CMC4: variants seen among roughly 807,000 people sequenced by gnomAD.
CMC4 encodes cx9C motif-containing protein 4.
Under a neutral mutation model 5.1 loss-of-function variants are expected in CMC4, and 4 were observed. The observed-to-expected ratio is 0.78, with a 90% CI of 0.38 to 1.78. The LOEUF (loss-of-function observed/expected upper bound fraction) is 1.78, where lower values mean the gene tolerates loss of function less well. CMC4 is among the 40% of genes most tolerant of loss of function. The pLI is 0.04. For missense variants in CMC4, 52 were observed against 51.3 expected, an observed-to-expected ratio of 1.01 and a Z score of -0.04; for synonymous variants, 23 against 18.9, an observed-to-expected ratio of 1.22 and a Z score of -0.57.
At chrX:155,069,130 T>C (rs2073959779) in intron 1 of CMC4, among the ~76,000 whole-genome samples, 2 of 113,110 alleles carry the variant, frequency 1.8e-5, no homozygotes, top group Non-Finnish European at 3.7e-5. Context: ...CCTTAGGTAG[T>C]AATCTAAGTA....
chrX:155,062,092 T>G (rs1044356494), intron 2 of CMC4, 101 bp from the exon 3 acceptor site: 4 of 809,666 alleles, frequency 4.9e-6, no homozygotes, highest in Non-Finnish European at 6.7e-6. Flanking sequence ...TCAGTACCTA[T>G]GGAACTGGAA....
chrX:155,064,050 G>C lies in CMC4; in HGVS notation c.-10-17C>G, dbSNP rs1481266326. 1 of 1,164,644 alleles carries C rather than the reference G, an allele frequency of 8.6e-7. No homozygotes were observed. Among genetic ancestry groups the C allele is most frequent in the Admixed American group, 2.8e-5 (1 of 35,430 alleles). On this transcript the variant is annotated splice_polypyrimidine_tract_variant and intron_variant, in intron 1 of 2. Coordinates refer to ENST00000369484, the MANE Select transcript of CMC4 (RefSeq NM_001018024.3). Reference sequence around the variant, plus strand: ...TCCAGAAAACTAAAACAAGAAAAATGATTTTTATTTTTCTTTTTTCCATAA... The same window carrying C: ...TCCAGAAAACTAAAACAAGAAAAATCATTTTTATTTTTCTTTTTTCCATAA...
At chrX:155,068,893 T>C (rs1367096167) in intron 1 of CMC4, among the ~76,000 whole-genome samples, 1 of 112,515 alleles carries the variant, frequency 8.9e-6, no homozygotes, top group African/African-American at 3.2e-5. Context: ...ACATGGAATA[T>C]AAACTTGTGC....
intron 2 of CMC4, among the ~76,000 whole-genome samples, chrX:155,062,967 C>T (rs1291071249): frequency 3.6e-5 from 4 of 111,664 alleles, no homozygotes; most frequent in African/African-American, 9.8e-5. Flanking sequence ...CTTAATCCTC[C>T]CACACTGCCA....
At chrX:155,062,669 A>G (rs1223259233) in intron 2 of CMC4, among the ~76,000 whole-genome samples, 1 of 111,908 alleles carries the variant, frequency 8.9e-6, no homozygotes. Flanking sequence ...AATGGAGTAC[A>G]TGGTAGTTAG....
chrX:155,065,188 CT>C, intron 1 of CMC4: 1 of 337,371 alleles, frequency 3.0e-6, no homozygotes, highest in Non-Finnish European at 5.2e-6. Flanking sequence ...TGACTAAGTG[CT>C]TTTGTTGACT....
At chrX:155,062,224 A>G (rs1298400685) in intron 2 of CMC4, among the ~76,000 whole-genome samples, 1 of 112,542 alleles carries the variant, frequency 8.9e-6, no homozygotes, top group African/African-American at 3.2e-5. Flanking sequence ...ATTTCCTTTA[A>G]GGTTAATAGC....
intron 1 of CMC4, chrX:155,064,521 CTTTT>C (rs201681750): frequency 9.3e-6 from 1 of 107,656 alleles, no homozygotes; most frequent in East Asian, 2.9e-4. Flanking sequence ...ATTCCCAAGA[CTTTT>C]TTTTTTAAAG....
intron 2 of CMC4, 110 bp downstream of exon 2, chrX:155,063,856 C>T: frequency 1.7e-6 from 1 of 577,561 alleles, no homozygotes; most frequent in Non-Finnish European, 2.8e-6. Flanking sequence ...AGGATAATTA[C>T]ATATACGTTA....
chrX:155,061,672 A>G lies in CMC4; in HGVS notation c.*171T>C, dbSNP rs1602747526. 4 of 512,137 alleles carry G rather than the reference A, an allele frequency of 7.8e-6. No individual in the cohort carries two copies. The highest frequency in any genetic ancestry group is 1.2e-5 in the Non-Finnish European group (4 of 327,042). The allele number at this position is 512,137 out of a possible 1,213,427, so 42.2% of individuals were successfully genotyped here. The stretch of plus-strand genomic sequence containing the variant: ...AGCAGCTCAGTATATTACATTCTAC[A>G]TATTTGTCTTTTAATGTGTTTATAT... On this transcript the variant is annotated 3_prime_UTR_variant, in exon 3 of 3. Transcript: ENST00000369484.
chrX:155,061,944 G>C lies in CMC4; in HGVS notation c.106C>G (p.Arg36Gly), dbSNP rs782008762. The C allele has an allele frequency of 8.3e-7, 1 of 1,209,089 alleles. No homozygotes were observed. The highest frequency in any genetic ancestry group is 1.7e-5 in the African/African-American group (1 of 57,161). ...SKCQAVIQEL[R>G]KCCAQYPKGR... ...TTGGGATACTGAGCACAACACTTAC[G>C]CAGTTCTTGGATGACAGCCTGACAC... Residue 36 changes from arginine to glycine, a missense_variant, in exon 3 of 3, where the codon CGT (arginine) becomes GGT (glycine). Arg to Gly is a moderately radical substitution (Grantham distance 125). Coordinates refer to ENST00000369484, the MANE Select transcript of CMC4 (RefSeq NM_001018024.3).
chrX:155,064,139 G>A (rs1557291842), intron 1 of CMC4, 106 bp from the exon 2 acceptor site: 1 of 458,607 alleles, frequency 2.2e-6, no homozygotes, highest in African/African-American at 2.5e-5. Flanking sequence ...CCTTACAATT[G>A]CTGGAAAATA....
chrX:155,066,391 T>C (rs1481357401), intron 1 of CMC4, among the ~76,000 whole-genome samples: 1 of 112,093 alleles, frequency 8.9e-6, no homozygotes, highest in African/African-American at 3.2e-5. Flanking sequence ...AAAATGTAGT[T>C]AGCAATAGAA....
chrX:155,069,032 A>T (rs1428668235), intron 1 of CMC4, among the ~76,000 whole-genome samples: 1 of 112,604 alleles, frequency 8.9e-6, no homozygotes, highest in Non-Finnish European at 1.9e-5. Flanking sequence ...TCGGGGCCAG[A>T]GAGCACACTG....
At chrX:155,066,099 T>C in intron 1 of CMC4, 1 of 712,846 alleles carries the variant, frequency 1.4e-6, no homozygotes, top group Non-Finnish European at 2.1e-6. Flanking sequence ...ACTTTTTGGG[T>C]TTGAATGAAC....
intron 1 of CMC4, chrX:155,065,848 T>C: frequency 8.3e-7 from 1 of 1,197,676 alleles, no homozygotes; most frequent in Non-Finnish European, 1.1e-6. Flanking sequence ...GAGACTGGAA[T>C]AGAAACCAAG....
chrX:155,061,649 C>A lies in CMC4; in HGVS notation c.*194G>T. 2.5e-6 allele frequency: 1 copy of A among 400,507 alleles called. No individual in the cohort carries two copies. Among genetic ancestry groups the A allele is most frequent in the Non-Finnish European group, 4.0e-6 (1 of 251,190 alleles). The allele number at this position is 400,507 out of a possible 1,213,427, so 33.0% of individuals were successfully genotyped here. The stretch of plus-strand genomic sequence containing the variant: ...TTTCTCTTAAACAGGTTTATTTTAG[C>A]AGCTCAGTATATTACATTCTACATA... On this transcript the variant is annotated 3_prime_UTR_variant, in exon 3 of 3. Coordinates refer to ENST00000369484, the MANE Select transcript of CMC4 (RefSeq NM_001018024.3).
intron 2 of CMC4, 66 bp downstream of exon 2, chrX:155,063,900 A>G: frequency 7.1e-6 from 6 of 840,748 alleles, no homozygotes; most frequent in Non-Finnish European, 1.0e-5. Context: ...AGATAAAAGA[A>G]TAATTGGTCT....
At chrX:155,066,433 T>C in intron 1 of CMC4, among the ~76,000 whole-genome samples, 1 of 112,405 alleles carries the variant, frequency 8.9e-6, no homozygotes, top group South Asian at 3.7e-4. Flanking sequence ...GACACACTTA[T>C]TTTGGCAGGA....
Sources: gnomAD v4.1 joint callset for allele counts (sites outside exome capture counted in the v4.1 genomes callset) on GRCh38, gnomAD v4.1.1 for gene constraint, MANE v1.5 for transcripts, NCBI Gene and HGNC (gene_info 2026-07-23, HGNC 2026-07-21) for gene names.